HERC1: variants seen among roughly 807,000 people sequenced by gnomAD.
HERC1 encodes the protein HECT and RLD domain containing E3 ubiquitin protein ligase family member 1.
In HERC1, 160 loss-of-function variants were observed where a neutral mutation model predicts 554.3. The observed-to-expected ratio is 0.29, with a 90% CI of 0.25 to 0.33. The LOEUF (loss-of-function observed/expected upper bound fraction) is 0.33, where lower values mean the gene tolerates loss of function less well. Ranked by LOEUF, HERC1 falls within the 10% of genes least tolerant of loss-of-function variation. The pLI is 1.00. For missense variants in HERC1, 4,919 were observed against 5,918.5 expected (o/e 0.83, Z 5.54); for synonymous variants, 2,175 against 2,131.7 (o/e 1.02, Z -0.56).
Position 63,734,763 on chromosome 15 carries a change from A to G in HERC1, c.2607T>C (p.Pro869=). The G allele has an allele frequency of 6.3e-7, 1 of 1,592,316 alleles. No homozygotes were observed. Among genetic ancestry groups the G allele is most frequent in the South Asian group, 1.1e-5 (1 of 87,330 alleles). ...AGCTTTCCCATCTATCAGGTCCTTG[A>G]GGTAAAAGAGAATGAAGTAATTCCA... ...ERMELLHSLL[P]QGPDRWESLS... is the part of the protein sequence containing the mutation. Residue 869 remains proline (P), a synonymous_variant, in exon 13 of 78, where the codon CCT becomes CCC. Coordinates refer to ENST00000443617, the MANE Select transcript of HERC1 (RefSeq NM_003922.4). This position sits in a 1 kb window ranked among gnomAD's most constrained non-coding sequence, Gnocchi z 4.6.
intron 1 of HERC1, among the ~76,000 whole-genome samples, chr15:63,813,926 G>C (rs1243483110): frequency 6.6e-6 from 1 of 152,136 alleles, no homozygotes; most frequent in South Asian, 2.1e-4. Context: ...GGGCATGGTG[G>C]CGGGTGCCAG....
Position 63,665,943 on chromosome 15 carries a change from T to C in HERC1, c.8531A>G (p.Glu2844Gly). ...PGDIPSADAA[E>G]MEEGFSESPD... ...CCTTTCACTAAAACCTTCCTCCATT[T>C]CAGCAGCATCAGCTGATGGTATGTC... The change falls in exon 42 of 78, where the codon GAA becomes GGA. Residue 2844 changes from glutamate to glycine, a missense_variant. Physicochemically the swap from Glu to Gly is moderately conservative, Grantham distance 98. Transcript: ENST00000443617. 6.2e-7 allele frequency: 1 copy of C among 1,613,456 alleles called. No homozygotes were observed. Among genetic ancestry groups the C allele is most frequent in the South Asian group, 1.1e-5 (1 of 91,056 alleles).
In HERC1 at chr15:63,616,461, T is replaced by C; in HGVS notation, c.13910A>G (p.Asp4637Gly). 1.9e-6 allele frequency: 3 copies of C among 1,613,980 alleles called. No homozygotes were observed. The highest frequency in any genetic ancestry group is 3.3e-4 in the Middle Eastern group (2 of 6,060). Residue 4637 changes from aspartate to glycine, a missense_variant, in exon 75 of 78, where the codon GAC (aspartate) becomes GGC (glycine). By Grantham distance (94) the Asp-to-Gly change is moderately conservative. Coordinates refer to ENST00000443617, the MANE Select transcript of HERC1 (RefSeq NM_003922.4). ...GAAACTCTCCTCGGTAATCCCACTG[T>C]CTTCAATGTGAAGAATGCTGTTGAG... Reference protein sequence around the residue: ...QTLNSILHIEDSGITEESFHE... With the variant: ...QTLNSILHIEGSGITEESFHE...
chr15:63,742,884 C>T lies in HERC1; in HGVS notation c.2520+4034G>A, dbSNP rs571498910. On this transcript the variant is annotated intron_variant, in intron 12 of 77. Transcript: ENST00000443617. Reference sequence around the variant, plus strand: ...GTTTGTTGAGAATTTTTACATCTATCTTCATAATGGATACTGAAGAATGCA... The same window carrying T: ...GTTTGTTGAGAATTTTTACATCTATTTTCATAATGGATACTGAAGAATGCA... Among the ~76,000 whole-genome samples the T allele has an allele frequency of 2.9e-4, 44 of 152,280 alleles. 2 individuals are homozygous for T. The East Asian group carries it at 3.7e-3, about 13-fold the overall frequency.
intron 2 of HERC1, among the ~76,000 whole-genome samples, chr15:63,768,440 T>C (rs934145909): frequency 6.6e-6 from 1 of 152,224 alleles, no homozygotes; most frequent in African/African-American, 2.4e-5. Context: ...AAGCTAAGTG[T>C]TTAAAAGTAA....
chr15:63,638,640 C>A, intron 62 of HERC1, 71 bp downstream of exon 62: 2 of 1,584,310 alleles, frequency 1.3e-6, no homozygotes, highest in Non-Finnish European at 1.7e-6. Flanking sequence ...CACCAGGGCA[C>A]AAACACACAA....
At chr15:63,642,579 C>A (rs1253240776) in intron 59 of HERC1, among the ~76,000 whole-genome samples, 1 of 152,188 alleles carries the variant, frequency 6.6e-6, no homozygotes, top group Non-Finnish European at 1.5e-5. Context: ...CTTGAGCAAT[C>A]TGCCCACCTC....
At chr15:63,828,216 G>A (rs1298451885) in intron 1 of HERC1, among the ~76,000 whole-genome samples, 1 of 152,164 alleles carries the variant, frequency 6.6e-6, no homozygotes, top group East Asian at 1.9e-4. Context: ...TAAAGGAAGG[G>A]ACAAACCAGA....
rs781269228 is a variant in HERC1, at chr15:63,747,065, G to A, written c.2373C>T (p.Leu791=). 3.8e-6 allele frequency: 6 copies of A among 1,596,604 alleles called. No homozygotes were observed. The highest frequency in any genetic ancestry group is 2.7e-5 in the African/African-American group (2 of 74,710). Residue 791 remains leucine (L), a synonymous_variant, in exon 12 of 78, where the codon CTC becomes CTT. Transcript: ENST00000443617. ...TTGAAAGTAGCTTCAGGCACAGCTTGAGAAAACTGTGGTGTTCTCTGAAAC... is the reference window on the plus strand; with the variant it reads ...TTGAAAGTAGCTTCAGGCACAGCTTAAGAAAACTGTGGTGTTCTCTGAAAC... ...FPSSREHHSF[L]KLCLKLLSNH...
chr15:63,789,614 A>G (rs1046728971), intron 1 of HERC1, among the ~76,000 whole-genome samples: 2 of 151,528 alleles, frequency 1.3e-5, no homozygotes, highest in East Asian at 4.0e-4. Flanking sequence ...CCTGGCCAAC[A>G]TGGTGAAACC....
At chr15:63,639,524 C>A (rs187371122) in intron 61 of HERC1, among the ~76,000 whole-genome samples, 18 of 152,326 alleles carry the variant, frequency 1.2e-4, no homozygotes, top group Admixed American at 1.2e-3. Context: ...TTAAGTGATG[C>A]ATAGCTACAG....
In HERC1 at chr15:63,659,863, T is replaced by A. The variant is rs565132812; in HGVS notation, c.9297A>T (p.Gly3099=). The A allele has an allele frequency of 1.2e-6, 2 of 1,613,762 alleles. No individual in the cohort carries two copies. Among genetic ancestry groups the A allele is most frequent in the Non-Finnish European group, 1.7e-6 (2 of 1,179,828 alleles). The change falls in exon 47 of 78, where the codon GGA becomes GGT. Residue 3099 remains glycine (G), a synonymous_variant. Coordinates refer to ENST00000443617, the MANE Select transcript of HERC1 (RefSeq NM_003922.4). ...TGEEEFELLA[G]PLGLNDRRIV... ...TGCGCCGGTCATTTAAACCAAGCGG[T>A]CCAGCAAGTAATTCAAATTCTTCTT... is the stretch of plus-strand genomic sequence containing the variant.
chr15:63,706,349 C>G (rs912255440), intron 25 of HERC1, among the ~76,000 whole-genome samples: 1 of 152,042 alleles, frequency 6.6e-6, no homozygotes, highest in East Asian at 1.9e-4. Context: ...CTTTTTATTT[C>G]AACGTGTGTG....
At chr15:63,764,044 C>T (rs1438210087) in intron 3 of HERC1, 52 bp downstream of exon 3, 28 of 1,105,256 alleles carry the variant, frequency 2.5e-5, no homozygotes, top group Non-Finnish European at 3.3e-5. Context: ...AAATACATGC[C>T]ATAGCATTTT....
At chr15:63,822,447 G>A (rs1475934441) in intron 1 of HERC1, among the ~76,000 whole-genome samples, 2 of 152,018 alleles carry the variant, frequency 1.3e-5, no homozygotes, top group South Asian at 2.1e-4. Flanking sequence ...TTAGCCGGGC[G>A]TGGTGGCGTG....
At chr15:63,816,150 TA>T (rs2145527236) in intron 1 of HERC1, among the ~76,000 whole-genome samples, 1 of 152,276 alleles carries the variant, frequency 6.6e-6, no homozygotes, top group South Asian at 2.1e-4. Flanking sequence ...CAAGATGTTA[TA>T]AGGAGGAAAA....
chr15:63,617,608 AGT>A (rs2067879918), intron 74 of HERC1, among the ~76,000 whole-genome samples: 1 of 152,230 alleles, frequency 6.6e-6, no homozygotes. Flanking sequence ...TGGTTGAACT[AGT>A]TTACAGTCCC....
intron 40 of HERC1, 25 bp from the exon 41 acceptor site, chr15:63,666,497 G>T: frequency 7.0e-7 from 1 of 1,425,286 alleles, no homozygotes; most frequent in Non-Finnish European, 9.8e-7. Flanking sequence ...AGAGAAATAA[G>T]AACCTAAATA....
chr15:63,811,411 C>T (rs1014152402), intron 1 of HERC1, among the ~76,000 whole-genome samples: 4 of 152,022 alleles, frequency 2.6e-5, no homozygotes, highest in African/African-American at 4.8e-5. Context: ...AGGTGAAAAG[C>T]GCTATTCTTC....
Sources: allele counts gnomAD v4.1 joint callset (sites outside exome capture counted in the v4.1 genomes callset), GRCh38; gene constraint gnomAD v4.1.1; non-coding constraint Gnocchi (gnomAD v3.1); transcripts MANE v1.5; gene names NCBI Gene and HGNC (gene_info 2026-07-23, HGNC 2026-07-21).